The following PFKFB4 variants were observed in gnomAD, a reference collection of about 807,000 sequenced individuals.
PFKFB4 encodes the protein 6-phosphofructo-2-kinase/fructose-2,6-bisphosphatase 4.
Under a neutral mutation model 62.8 loss-of-function variants are expected in PFKFB4, and 42 were observed. The ratio of observed to expected loss-of-function variants is 0.67; its 90% CI spans 0.52 to 0.86. The LOEUF (loss-of-function observed/expected upper bound fraction) is 0.86. Ranked by LOEUF, PFKFB4 falls within the 40% of genes least tolerant of loss-of-function variation. The pLI is 0.00. For missense variants in PFKFB4, 475 were observed against 627.2 expected, an observed-to-expected ratio of 0.76 and a Z score of 2.59; for synonymous variants, 204 against 240.7, an observed-to-expected ratio of 0.85 and a Z score of 1.41.
At chr3:48,534,003 A>G (rs2042513615) in intron 9 of PFKFB4, among the ~76,000 whole-genome samples, 1 of 152,262 alleles carries the variant, frequency 6.6e-6, no homozygotes, top group Non-Finnish European at 1.5e-5. Flanking sequence ...TGCAGAGCCA[A>G]GCATAATGAA....
chr3:48,561,077 GTC>G, upstream of PFKFB4: 1 of 1,283,272 alleles, frequency 7.8e-7, no homozygotes, highest in Non-Finnish European at 1.0e-6. This position sits in a 1 kb window ranked among gnomAD's most constrained non-coding sequence, Gnocchi z 5.2. Context: ...CCGGCCCCAG[GTC>G]GGTCAGGGAG....
upstream of PFKFB4, chr3:48,562,908 C>T (rs2043458200): frequency 1.9e-6 from 3 of 1,605,064 alleles, no homozygotes; most frequent in East Asian, 6.7e-5. This position sits in a 1 kb window ranked among gnomAD's most constrained non-coding sequence, Gnocchi z 4.3. Context: ...AGCGATAGGA[C>T]AATGCGCGAG....
At chr3:48,526,659 G>A (rs1043448044) in intron 9 of PFKFB4, among the ~76,000 whole-genome samples, 6 of 151,768 alleles carry the variant, frequency 4.0e-5, no homozygotes, top group African/African-American at 1.5e-4. Flanking sequence ...ACGCCATGTA[G>A]GCCGGGCACA....
At chr3:48,540,653 A>G (rs1333932962) in intron 4 of PFKFB4, among the ~76,000 whole-genome samples, 1 of 152,188 alleles carries the variant, frequency 6.6e-6, no homozygotes, top group Non-Finnish European at 1.5e-5. Flanking sequence ...TCTGTCGCCC[A>G]GGCTGGAGCG....
At chr3:48,552,452 A>G (rs935452165) in intron 1 of PFKFB4, among the ~76,000 whole-genome samples, 11 of 152,164 alleles carry the variant, frequency 7.2e-5, no homozygotes, top group African/African-American at 2.7e-4. Context: ...GAAGGAGGAG[A>G]CCCCATGAAA....
At position 48,556,667 on chromosome 3, in the gene PFKFB4, GGACCC is replaced by G. The variant is rs758694934; in HGVS notation, c.97+9_97+13del. ...GGTGCACCTCCCACCTCCTCCCAGA[GGACCC>G]CGCCTCACCACCGCGCTGGCAAGCG... On this transcript the variant is annotated intron_variant, in intron 1 of 13. Coordinates refer to ENST00000232375, the MANE Select transcript of PFKFB4 (RefSeq NM_004567.4). The surrounding 1 kb of genome is among the most constrained non-coding windows in gnomAD (Gnocchi z 5.7). The G allele has an allele frequency of 3.7e-6, 6 of 1,604,440 alleles. No homozygotes were observed. Among genetic ancestry groups the G allele is most frequent in the Non-Finnish European group, 5.1e-6 (6 of 1,175,252 alleles).
intron 9 of PFKFB4, among the ~76,000 whole-genome samples, chr3:48,529,233 A>G (rs192161826): frequency 4.6e-5 from 7 of 152,142 alleles, no homozygotes; most frequent in Admixed American, 3.9e-4. Flanking sequence ...GGTGAATTCT[A>G]TGGTATATGA....
upstream of PFKFB4, chr3:48,556,948 G>A: frequency 7.2e-7 from 1 of 1,395,588 alleles, no homozygotes; most frequent in Non-Finnish European, 9.3e-7. The surrounding 1 kb of genome is among the most constrained non-coding windows in gnomAD (Gnocchi z 5.7). Context: ...CCAGCTGAAA[G>A]GGGCCCGGCC....
At chr3:48,546,127 G>A (rs1022812388) in intron 3 of PFKFB4, among the ~76,000 whole-genome samples, 12 of 152,172 alleles carry the variant, frequency 7.9e-5, no homozygotes, top group African/African-American at 2.9e-4. Context: ...GTGTGTACAT[G>A]TAAATCTGTG....
At chr3:48,556,878 G>A (rs1575407976), upstream of PFKFB4, 4 of 1,462,468 alleles carry the variant, frequency 2.7e-6, no homozygotes, top group Non-Finnish European at 3.6e-6. This position sits in a 1 kb window ranked among gnomAD's most constrained non-coding sequence, Gnocchi z 5.7. Context: ...CCCTCCTCAA[G>A]CCGCGACAGC....
chr3:48,556,922 G>T, upstream of PFKFB4: 2 of 1,414,076 alleles, frequency 1.4e-6, no homozygotes, highest in African/African-American at 1.5e-5. The surrounding 1 kb of genome is among the most constrained non-coding windows in gnomAD (Gnocchi z 5.7). Context: ...CCGCCCCAGA[G>T]TGAGTAGGCT....
intron 1 of PFKFB4, among the ~76,000 whole-genome samples, chr3:48,552,079 C>T (rs1025546756): frequency 1.3e-5 from 2 of 152,190 alleles, no homozygotes; most frequent in Non-Finnish European, 2.9e-5. Flanking sequence ...GAAGCACTTC[C>T]GCAGGGGATC....
At chr3:48,545,406 G>A (rs752395853) in intron 3 of PFKFB4, among the ~76,000 whole-genome samples, 11 of 152,152 alleles carry the variant, frequency 7.2e-5, no homozygotes, top group Non-Finnish European at 1.2e-4. Flanking sequence ...TGCTGGGATT[G>A]CAAGCTTGAG....
intron 9 of PFKFB4, 36 bp downstream of exon 9, chr3:48,535,476 C>A (rs1313060775): frequency 6.4e-7 from 1 of 1,567,798 alleles, no homozygotes; most frequent in Non-Finnish European, 8.8e-7. Flanking sequence ...CCTGCGGTAT[C>A]TGGGAGGTAG....
chr3:48,543,751 C>T (rs993502222), intron 3 of PFKFB4, 105 bp from the exon 4 acceptor site: 5 of 822,574 alleles, frequency 6.1e-6, no homozygotes, highest in Non-Finnish European at 1.0e-5. Flanking sequence ...AGGAACAGCC[C>T]CGAGGTCTCT....
At position 48,556,305 on chromosome 3, in the gene PFKFB4, A is replaced by T. The variant is rs1449561979; in HGVS notation, c.97+376T>A. 4.0e-6 allele frequency: 2 copies of T among 505,810 alleles called. No individual in the cohort carries two copies. The highest frequency in any genetic ancestry group is 4.6e-5 in the Admixed American group (2 of 43,626). The allele number at this position is 505,810 out of a possible 1,614,324, so 31.3% of individuals were successfully genotyped here. A position where few individuals can be genotyped will look rare whatever the true frequency, so the allele number is the denominator to read the frequency against. On this transcript the variant is annotated intron_variant, in intron 1 of 13. Transcript: ENST00000232375. This position sits in a 1 kb window ranked among gnomAD's most constrained non-coding sequence, Gnocchi z 5.7. The stretch of plus-strand genomic sequence containing the variant: ...GTTCCAGTCCAACAACCCGGCCCAC[A>T]CTCCTTGGCCAGGAGAGAGGGAAGG...
upstream of PFKFB4, among the ~76,000 whole-genome samples, chr3:48,559,311 C>T (rs904394389): frequency 6.6e-6 from 1 of 152,240 alleles, no homozygotes; most frequent in African/African-American, 2.4e-5. Flanking sequence ...GGCCACCGTC[C>T]ACATCTGCTC....
rs75371296 is a variant in PFKFB4 at position 48,528,168 on chromosome 3, G to A, written c.988-2499C>T. ...GAATGTGGCTAAACTGAGTTCCCAT[G>A]TTGGACGGCTACAACCAAGACTGAT... On this transcript the variant is annotated intron_variant, in intron 9 of 13. Transcript: ENST00000232375. Among the ~76,000 whole-genome samples the A allele has an allele frequency of 2.0e-5, 3 of 152,230 alleles. No individual in the cohort carries two copies. In the East Asian group the frequency reaches 5.8e-4, roughly 29 times the overall value.
chr3:48,547,159 A>C (rs995658580), intron 3 of PFKFB4, among the ~76,000 whole-genome samples: 3 of 152,202 alleles, frequency 2.0e-5, no homozygotes, highest in Non-Finnish European at 4.4e-5. Context: ...GTGTATATAC[A>C]GGGTGAGAAC....
Sources: gnomAD v4.1 joint callset for allele counts (sites outside exome capture counted in the v4.1 genomes callset) on GRCh38, gnomAD v4.1.1 for gene constraint, Gnocchi (gnomAD v3.1) non-coding constraint, MANE v1.5 for transcripts, NCBI Gene and HGNC (gene_info 2026-07-23, HGNC 2026-07-21) for gene names.